Variants in PRRT1B observed in about 807,000 individuals in gnomAD.
PRRT1B encodes proline rich transmembrane protein 1B.
intron 1 of PRRT1B, among the ~76,000 whole-genome samples, chr9:131,550,642 A>G (rs11243420): frequency 6.6e-6 from 1 of 151,670 alleles, no homozygotes; most frequent in Non-Finnish European, 1.5e-5. Flanking sequence ...CTTATGCAAG[A>G]GTCGGGACTG....
Position 131,556,511 on chromosome 9 carries a change from G to C in PRRT1B, c.642+298G>C, listed in dbSNP as rs140757236. Among the ~76,000 whole-genome samples, 368 of 152,316 alleles carry C rather than the reference G, an allele frequency of 2.4e-3. 10 individuals carry two copies. The highest frequency in any genetic ancestry group is 0.022 in the Admixed American group (341 of 15,298). ...TTCCAGTGGAGGCTTGTGTTTTAAAGGGGGTACAATCTGCTCATTCATTCC... is the reference window on the plus strand; with the variant it reads ...TTCCAGTGGAGGCTTGTGTTTTAAACGGGGTACAATCTGCTCATTCATTCC... On this transcript the variant is annotated intron_variant, in intron 3 of 3. Coordinates refer to ENST00000636672, the Ensembl canonical transcript of PRRT1B.
In PRRT1B at chr9:131,551,548, A is replaced by G. The variant is rs1027886733; in HGVS notation, c.26-3009A>G. On this transcript the variant is annotated intron_variant, in intron 1 of 3. Transcript: ENST00000636672. The surrounding 1 kb of genome is among the most constrained non-coding windows in gnomAD (Gnocchi z 4.4). ...CAGGAATGTCAGGCCTCTGAGCCAA[A>G]GCTAAGCCATCATATCCCCTGTGAC... Among the ~76,000 whole-genome samples, 2 of 152,194 alleles carry G rather than the reference A, an allele frequency of 1.3e-5. No individual in the cohort carries two copies. Among genetic ancestry groups the G allele is most frequent in the African/African-American group, 4.8e-5 (2 of 41,434 alleles).
chr9:131,552,657 G>T (rs181377725), intron 1 of PRRT1B, among the ~76,000 whole-genome samples: 27 of 149,060 alleles, frequency 1.8e-4, no homozygotes, highest in African/African-American at 4.7e-4. Flanking sequence ...TGCAGTTTGG[G>T]GGGGAGCCCA....
chr9:131,546,486 G>A (rs1310467097), intron 1 of PRRT1B, among the ~76,000 whole-genome samples: 1 of 152,106 alleles, frequency 6.6e-6, no homozygotes, highest in Non-Finnish European at 1.5e-5. Flanking sequence ...GGCGGTGGCA[G>A]TGGGACCCCT....
chr9:131,549,832 C>T (rs190847378), intron 1 of PRRT1B, among the ~76,000 whole-genome samples: 161 of 152,262 alleles, frequency 1.1e-3, no homozygotes, highest in African/African-American at 3.6e-3. Context: ...TGCCCAGTTC[C>T]CTTATTAGGC....
rs146351544 is a variant in PRRT1B, at chr9:131,550,245, C to A, written c.26-4312C>A. 2.0e-5 allele frequency among the ~76,000 whole-genome samples: 3 copies of A among 152,182 alleles called. No homozygotes were observed. The South Asian group carries it at 6.2e-4, about 32-fold the overall frequency. On this transcript the variant is annotated intron_variant, in intron 1 of 3. Coordinates refer to ENST00000636672, the Ensembl canonical transcript of PRRT1B. ...ATCCAAATTGTTTTGTCTATCCACC[C>A]CGTGATGCCAAACCCATATACTCTC...
exon 2 of PRRT1B, chr9:131,555,026 C>G (rs1056532683): frequency 5.1e-6 from 2 of 392,200 alleles, no homozygotes; most frequent in Non-Finnish European, 9.0e-6. Context: ...TCCCCTTCCC[C>G]GTGGTGAGTG....
chr9:131,557,454 C>T (rs1024613133), intron 3 of PRRT1B, among the ~76,000 whole-genome samples: 1 of 152,222 alleles, frequency 6.6e-6, no homozygotes, highest in Admixed American at 6.5e-5. Context: ...AGGAGAATCA[C>T]TTGAATCCAG....
intron 1 of PRRT1B, among the ~76,000 whole-genome samples, chr9:131,548,907 A>G (rs1442211586): frequency 6.6e-6 from 1 of 152,178 alleles, no homozygotes; most frequent in East Asian, 1.9e-4. Flanking sequence ...AGCTAAAGGC[A>G]TAGTCAAGGT....
chr9:131,552,273 G>A lies in PRRT1B; in HGVS notation c.26-2284G>A, dbSNP rs117527523. Among the ~76,000 whole-genome samples, 1,149 of 152,310 alleles carry A rather than the reference G, an allele frequency of 7.5e-3. 31 individuals are homozygous for A. The East Asian group carries it at 0.091, about 12-fold the overall frequency. ...ACAGCTCACTGCCCCCTCCTGTGAGGAGGCCACAATGTCTGGCCAAGTGTG... is the reference window on the plus strand; with the variant it reads ...ACAGCTCACTGCCCCCTCCTGTGAGAAGGCCACAATGTCTGGCCAAGTGTG... On this transcript the variant is annotated intron_variant, in intron 1 of 3. Coordinates refer to ENST00000636672, the Ensembl canonical transcript of PRRT1B.
intron 1 of PRRT1B, among the ~76,000 whole-genome samples, chr9:131,548,534 C>T (rs1291819989): frequency 6.6e-6 from 1 of 152,092 alleles, no homozygotes; most frequent in African/African-American, 2.4e-5. Context: ...AATGGGCAAC[C>T]GGTCTGAGGT....
At chr9:131,549,087 A>G (rs1564416054) in intron 1 of PRRT1B, among the ~76,000 whole-genome samples, 1 of 152,094 alleles carries the variant, frequency 6.6e-6, no homozygotes, top group Non-Finnish European at 1.5e-5. Context: ...CTCAATATAC[A>G]TTTTATTACC....
chr9:131,556,334 G>A (rs1951050063), intron 3 of PRRT1B, 121 bp downstream of exon 3: 3 of 397,342 alleles, frequency 7.6e-6, no homozygotes, highest in Non-Finnish European at 1.3e-5. Context: ...TCTGGAGGGG[G>A]GTGGGAATTG....
At chr9:131,549,900 T>C (rs1442935941) in intron 1 of PRRT1B, among the ~76,000 whole-genome samples, 2 of 152,156 alleles carry the variant, frequency 1.3e-5, no homozygotes, top group Non-Finnish European at 2.9e-5. Context: ...TCCCTGACTA[T>C]TCCTGGACTA....
chr9:131,555,982 A>C, intron 2 of PRRT1B, 88 bp from the exon 3 acceptor site: 1 of 398,710 alleles, frequency 2.5e-6, no homozygotes. Flanking sequence ...TGAGTGAGAG[A>C]GCTTGCATGG....
intron 1 of PRRT1B, among the ~76,000 whole-genome samples, chr9:131,547,674 G>GTCC (rs796678982): frequency 9.2e-5 from 14 of 152,306 alleles, no homozygotes; most frequent in African/African-American, 3.1e-4. Flanking sequence ...TCAATCCCCT[G>GTCC]TCCTCCTGCT....
chr9:131,548,016 C>T (rs915532039), intron 1 of PRRT1B, among the ~76,000 whole-genome samples: 11 of 152,102 alleles, frequency 7.2e-5, no homozygotes, highest in African/African-American at 2.7e-4. Flanking sequence ...GATTATACAC[C>T]CACAATCCAT....
At chr9:131,555,090 C>A (rs1281832679) in intron 2 of PRRT1B, 61 bp downstream of exon 2, 3 of 187,042 alleles carry the variant, frequency 1.6e-5, no homozygotes, top group Non-Finnish European at 2.6e-5. Flanking sequence ...GTCGGGGGCG[C>A]CCGTGCGGAG....
At chr9:131,548,602 GCAACTTGT>G (rs956240387) in intron 1 of PRRT1B, among the ~76,000 whole-genome samples, 1 of 152,058 alleles carries the variant, frequency 6.6e-6, no homozygotes, top group African/African-American at 2.4e-5. Flanking sequence ...TGTTCCCAAT[GCAACTTGT>G]CCCAAATCTT....
Sources: allele counts gnomAD v4.1 joint callset (sites outside exome capture counted in the v4.1 genomes callset), GRCh38; gene constraint gnomAD v4.1.1; non-coding constraint Gnocchi (gnomAD v3.1); transcripts MANE v1.5; gene names NCBI Gene and HGNC (gene_info 2026-07-23, HGNC 2026-07-21).